The following DMD variants were observed in gnomAD, a reference collection of about 807,000 sequenced individuals.
DMD encodes mutant dystrophin.
DMD carries 63 observed loss-of-function variants against 330.1 expected under a neutral mutation model. That is an observed-to-expected ratio of 0.19 (90% CI 0.16 to 0.24). The LOEUF is 0.24. Ranked by LOEUF, DMD falls within the 10% of genes least tolerant of loss-of-function variation. The pLI, the probability that DMD is intolerant of heterozygous loss-of-function variation, is 1.00. For synonymous variants in DMD, 1,223 were observed against 959.8 expected, an observed-to-expected ratio of 1.27 and a Z score of -5.07; for missense variants, 3,344 against 2,684.1, an observed-to-expected ratio of 1.25 and a Z score of -5.43.
intron 55 of DMD, among the ~76,000 whole-genome samples, chrX:31,539,803 G>A (rs2073682459): frequency 8.9e-6 from 1 of 112,090 alleles, no homozygotes; most frequent in African/African-American, 3.2e-5. Flanking sequence ...TTGATTCAAC[G>A]TCTATTAACA....
chrX:32,671,650 G>A (rs771916848), intron 9 of DMD, among the ~76,000 whole-genome samples: 12 of 111,838 alleles, frequency 1.1e-4, no homozygotes, highest in African/African-American at 3.9e-4. Context: ...CATACATCAG[G>A]TTGACCTGGG....
chrX:33,055,985 T>C (rs1475933194), intron 1 of DMD, among the ~76,000 whole-genome samples: 2 of 110,028 alleles, frequency 1.8e-5, no homozygotes, highest in African/African-American at 6.6e-5. Context: ...CTTCTTATAA[T>C]ACCTCTCCCA....
chrX:32,868,120 G>A (rs2082660040), intron 2 of DMD, among the ~76,000 whole-genome samples: 1 of 111,493 alleles, frequency 9.0e-6, no homozygotes, highest in African/African-American at 3.3e-5. Flanking sequence ...GGAGCCAAAC[G>A]CGACAAGGGA....
intron 45 of DMD, among the ~76,000 whole-genome samples, chrX:31,934,383 G>A (rs1439889903): frequency 5.4e-5 from 6 of 111,792 alleles, no homozygotes; most frequent in East Asian, 2.8e-4. Flanking sequence ...TCTGGGACAC[G>A]TAAAGTTACA....
chrX:31,804,050 T>G (rs1603473079), intron 50 of DMD, among the ~76,000 whole-genome samples: 2 of 111,069 alleles, frequency 1.8e-5, no homozygotes, highest in Admixed American at 1.9e-4. Context: ...GTTTAGGTGT[T>G]CTTACCCTCG....
At chrX:32,276,486 G>A (rs1185889236) in intron 43 of DMD, among the ~76,000 whole-genome samples, 1 of 111,932 alleles carries the variant, frequency 8.9e-6, no homozygotes, top group Non-Finnish European at 1.9e-5. Flanking sequence ...TTTGCTTAAG[G>A]AGAGGAGAGT....
At chrX:32,084,105 A>G (rs2096413818) in intron 44 of DMD, among the ~76,000 whole-genome samples, 1 of 112,041 alleles carries the variant, frequency 8.9e-6, no homozygotes, top group Non-Finnish European at 1.9e-5. Context: ...TGAACTTTAA[A>G]TGTTTCTGAA....
At chrX:33,295,757 G>A (rs1452426085) in intron 1 of DMD, among the ~76,000 whole-genome samples, 3 of 111,096 alleles carry the variant, frequency 2.7e-5, no homozygotes, top group Non-Finnish European at 5.7e-5. Flanking sequence ...TATTTCCACA[G>A]GGATGTTGTA....
At chrX:31,627,568 A>C in intron 55 of DMD, 105 bp downstream of exon 55, 1 of 873,375 alleles carries the variant, frequency 1.1e-6, no homozygotes, top group South Asian at 2.1e-5. Context: ...GGCTGTATAA[A>C]AGCAACTATT....
chrX:32,199,725 C>T (rs1203886595), intron 44 of DMD, among the ~76,000 whole-genome samples: 4 of 108,633 alleles, frequency 3.7e-5, no homozygotes, highest in South Asian at 4.1e-4. Flanking sequence ...GCAATCTTCC[C>T]GCCTCAGCCT....
intron 59 of DMD, among the ~76,000 whole-genome samples, chrX:31,454,939 T>TTTTTTC (rs1161127646): frequency 9.8e-6 from 1 of 101,592 alleles, no homozygotes; most frequent in Non-Finnish European, 2.0e-5. Context: ...TTTAAGTTAG[T>TTTTTTC]TTTTTCTTTT....
chrX:31,600,553 G>T (rs1199706952), intron 55 of DMD, among the ~76,000 whole-genome samples: 2 of 75,717 alleles, frequency 2.6e-5, no homozygotes, highest in Admixed American at 3.8e-4. Flanking sequence ...TCCAGATCCA[G>T]ATCCATTTTC....
intron 44 of DMD, among the ~76,000 whole-genome samples, chrX:32,187,856 A>T (rs1301239370): frequency 1.8e-5 from 2 of 111,282 alleles, no homozygotes; most frequent in Non-Finnish European, 3.8e-5. Context: ...AAGCACGAAC[A>T]CGGTATTTAA....
chrX:31,322,659 G>A lies in DMD; in HGVS notation c.9224+939C>T, dbSNP rs147071284. On this transcript the variant is annotated intron_variant, in intron 62 of 78. Transcript: ENST00000357033. ...TGAGGACTGTAGTAATGAAGATCTA[G>A]GACTGCTGTTATTGCTTTAGAACCG... Among the ~76,000 whole-genome samples, 230 of 111,858 alleles carry A rather than the reference G, an allele frequency of 2.1e-3. 1 individual carries two copies. The highest frequency in any genetic ancestry group is 7.2e-3 in the African/African-American group (223 of 30,812).
At chrX:32,507,300 A>G (rs139719725) in intron 18 of DMD, among the ~76,000 whole-genome samples, 1,768 of 111,723 alleles carry the variant, frequency 0.016, 35 homozygotes, top group African/African-American at 0.054. Context: ...TTCTCCTATC[A>G]GAGGGGTTTC....
intron 9 of DMD, among the ~76,000 whole-genome samples, chrX:32,671,830 A>C (rs926014628): frequency 8.9e-6 from 1 of 111,933 alleles, no homozygotes; most frequent in African/African-American, 3.2e-5. Context: ...TAACAATCCA[A>C]ACTATGAAAG....
chrX:32,008,143 C>A (rs1366124031), intron 44 of DMD, among the ~76,000 whole-genome samples: 3 of 111,261 alleles, frequency 2.7e-5, no homozygotes, highest in African/African-American at 9.8e-5. Context: ...GTAAGCAGGG[C>A]AGCTTGCATC....
intron 44 of DMD, among the ~76,000 whole-genome samples, chrX:32,099,627 T>C (rs2096529554): frequency 9.4e-6 from 1 of 106,581 alleles, no homozygotes; most frequent in South Asian, 4.3e-4. Context: ...TCATTCTCAG[T>C]AAACTATCGC....
intron 47 of DMD, among the ~76,000 whole-genome samples, chrX:31,920,956 TA>T (rs747602091): frequency 8.9e-6 from 1 of 112,489 alleles, no homozygotes; most frequent in African/African-American, 3.2e-5. Context: ...ATTTTTGTTA[TA>T]TTTTTTAAAA....
Sources: allele counts gnomAD v4.1 joint callset (sites outside exome capture counted in the v4.1 genomes callset), GRCh38; gene constraint gnomAD v4.1.1; transcripts MANE v1.5; gene names NCBI Gene and HGNC (gene_info 2026-07-23, HGNC 2026-07-21).